AUTS2: variants seen among roughly 807,000 people sequenced by gnomAD.
The protein encoded by AUTS2 is autism susceptibility gene 2 protein.
Under a neutral mutation model 112.4 loss-of-function variants are expected in AUTS2, and 17 were observed. The ratio of observed to expected loss-of-function variants is 0.15; its 90% CI spans 0.10 to 0.23. The LOEUF (loss-of-function observed/expected upper bound fraction) is 0.23, where lower values mean the gene tolerates loss of function less well. Ranked by LOEUF, AUTS2 falls within the 10% of genes least tolerant of loss-of-function variation. AUTS2 has a pLI of 1.00. For synonymous variants in AUTS2, 751 were observed against 702.7 expected, an observed-to-expected ratio of 1.07 and a Z score of -1.09; for missense variants, 1,510 against 1,701.6, an observed-to-expected ratio of 0.89 and a Z score of 1.98.
intron 1 of AUTS2, among the ~76,000 whole-genome samples, chr7:69,709,469 A>C (rs1360693939): frequency 6.6e-6 from 1 of 152,164 alleles, no homozygotes; most frequent in Non-Finnish European, 1.5e-5. Flanking sequence ...TTTCTACTGT[A>C]ACTTCTCACC....
intron 1 of AUTS2, among the ~76,000 whole-genome samples, chr7:69,672,912 G>T (rs1796401348): frequency 6.6e-6 from 1 of 152,158 alleles, no homozygotes; most frequent in African/African-American, 2.4e-5. Flanking sequence ...TGGCTATGTT[G>T]GGAACCACTG....
At chr7:70,728,905 T>C (rs905356071) in intron 6 of AUTS2, among the ~76,000 whole-genome samples, 8 of 152,060 alleles carry the variant, frequency 5.3e-5, no homozygotes, top group African/African-American at 1.9e-4. Flanking sequence ...CCACAGATCG[T>C]TTCCTTAACA....
At chr7:70,689,071 A>G (rs1375092251) in intron 5 of AUTS2, among the ~76,000 whole-genome samples, 1 of 151,848 alleles carries the variant, frequency 6.6e-6, no homozygotes, top group East Asian at 2.0e-4. Context: ...AAGAATATCC[A>G]TGTGGCTGGG....
chr7:70,119,276 C>G (rs1335505980), intron 3 of AUTS2: 2 of 152,060 alleles, frequency 1.3e-5, no homozygotes, highest in Non-Finnish European at 2.9e-5. Context: ...GTGTGAGCCA[C>G]CACGCCCAGC....
intron 2 of AUTS2, among the ~76,000 whole-genome samples, chr7:70,057,309 C>A (rs1402614454): frequency 2.6e-5 from 4 of 152,132 alleles, no homozygotes; most frequent in Admixed American, 6.5e-5. Context: ...TTAATGATGC[C>A]AAAACTTTAA....
intron 1 of AUTS2, among the ~76,000 whole-genome samples, chr7:69,773,490 CCTTTTTCCCCAAGCCTTTGG>C (rs1245099200): frequency 6.8e-6 from 1 of 147,070 alleles, no homozygotes; most frequent in African/African-American, 2.5e-5. Flanking sequence ...TTAAGAAAAA[CCTTTTTCCCCAAGCCTTTGG>C]CTTGGGGAAA....
intron 2 of AUTS2, among the ~76,000 whole-genome samples, chr7:69,930,687 A>G (rs1434370721): frequency 6.6e-6 from 1 of 152,116 alleles, no homozygotes; most frequent in Admixed American, 6.5e-5. Flanking sequence ...CTTTCAGCCA[A>G]GCTCAAGACC....
chr7:70,492,597 G>T (rs1417790224), intron 5 of AUTS2, among the ~76,000 whole-genome samples: 1 of 152,188 alleles, frequency 6.6e-6, no homozygotes, highest in African/African-American at 2.4e-5. Flanking sequence ...AGCCTAGGAA[G>T]GCTGAAGGAC....
At chr7:69,760,046 G>A (rs944523138) in intron 1 of AUTS2, among the ~76,000 whole-genome samples, 9 of 151,278 alleles carry the variant, frequency 5.9e-5, no homozygotes, top group Non-Finnish European at 1.3e-4. Context: ...CCACGAACTT[G>A]CTAATTTTCT....
chr7:69,626,154 T>C (rs1793934280), intron 1 of AUTS2, among the ~76,000 whole-genome samples: 1 of 152,010 alleles, frequency 6.6e-6, no homozygotes, highest in South Asian at 2.1e-4. Flanking sequence ...CAGAGACACA[T>C]AAGTAGGGAA....
intron 4 of AUTS2, among the ~76,000 whole-genome samples, chr7:70,137,267 T>C (rs1584776834): frequency 1.3e-5 from 2 of 152,316 alleles, no homozygotes; most frequent in East Asian, 3.9e-4. Flanking sequence ...GAACAAACTT[T>C]CTACATTTTT....
At chr7:70,169,376 G>T (rs1015758794) in intron 4 of AUTS2, among the ~76,000 whole-genome samples, 1 of 152,000 alleles carries the variant, frequency 6.6e-6, no homozygotes, top group Non-Finnish European at 1.5e-5. Context: ...GAGTAGCTGC[G>T]GCTACAGACA....
At chr7:69,615,260 G>A (rs948477933) in intron 1 of AUTS2, among the ~76,000 whole-genome samples, 7 of 152,096 alleles carry the variant, frequency 4.6e-5, no homozygotes, top group African/African-American at 1.7e-4. Context: ...TCACTTCAGG[G>A]TAGTGGGTGC....
chr7:70,338,836 A>G (rs1042443665), intron 4 of AUTS2, among the ~76,000 whole-genome samples: 1 of 106,648 alleles, frequency 9.4e-6, no homozygotes, highest in South Asian at 3.3e-4. Flanking sequence ...CTCATCTCTT[A>G]TTTATTTATT....
At chr7:70,698,091 A>T (rs983466037) in intron 5 of AUTS2, among the ~76,000 whole-genome samples, 8 of 151,764 alleles carry the variant, frequency 5.3e-5, no homozygotes, top group Admixed American at 2.0e-4. Context: ...GATGAATCTT[A>T]AAAAAAAATT....
intron 2 of AUTS2, among the ~76,000 whole-genome samples, chr7:69,951,810 G>A (rs1797038550): frequency 6.6e-6 from 1 of 152,006 alleles, no homozygotes; most frequent in Non-Finnish European, 1.5e-5. Context: ...ATTGATATAA[G>A]AAAAAAGGTC....
At chr7:70,092,470 G>A (rs973778887) in intron 2 of AUTS2, among the ~76,000 whole-genome samples, 11 of 152,132 alleles carry the variant, frequency 7.2e-5, no homozygotes, top group African/African-American at 2.7e-4. Context: ...TACACTGGCA[G>A]CAAAATCCTA....
chr7:70,023,399 G>C (rs1011757217), intron 2 of AUTS2, among the ~76,000 whole-genome samples: 8 of 152,122 alleles, frequency 5.3e-5, no homozygotes, highest in Non-Finnish European at 1.0e-4. Flanking sequence ...GAATGGGTCT[G>C]TGCTACTCTA....
chr7:70,664,934 G>A (rs201401139), intron 5 of AUTS2, among the ~76,000 whole-genome samples: 2 of 152,064 alleles, frequency 1.3e-5, no homozygotes, highest in East Asian at 1.9e-4. Context: ...TTAGCCAGGC[G>A]TAGTGATGCA....
Sources: allele counts gnomAD v4.1 joint callset (sites outside exome capture counted in the v4.1 genomes callset), GRCh38; gene constraint gnomAD v4.1.1; transcripts MANE v1.5; gene names NCBI Gene and HGNC (gene_info 2026-07-23, HGNC 2026-07-21).